The following GATA3 variants were observed in gnomAD, a reference collection of about 807,000 sequenced individuals.
GATA3 encodes the protein GATA binding protein 3, also known as trans-acting T-cell-specific transcription factor GATA-3.
In GATA3, 6 loss-of-function variants were observed where a neutral mutation model predicts 36.0. The ratio of observed to expected loss-of-function variants is 0.17; its 90% CI spans 0.09 to 0.33. The LOEUF is 0.33. Ranked by LOEUF, GATA3 falls within the 10% of genes least tolerant of loss-of-function variation. The pLI is 1.00. For synonymous variants in GATA3, 326 were observed against 273.0 expected (o/e 1.19, Z -1.92); for missense variants, 514 against 610.1 (o/e 0.84, Z 1.66).
intron 3 of GATA3, among the ~76,000 whole-genome samples, chr10:8,061,478 G>A (rs139234491): frequency 2.0e-3 from 297 of 152,306 alleles, no homozygotes; most frequent in African/African-American, 6.9e-3. Context: ...TCACCTAAGA[G>A]AGAGGTGTCT....
intron 5 of GATA3, among the ~76,000 whole-genome samples, chr10:8,073,099 C>T (rs540905587): frequency 2.2e-5 from 3 of 138,410 alleles, no homozygotes; most frequent in South Asian, 2.3e-4. Flanking sequence ...GAGCCGAGAT[C>T]GCGCCACTGC....
upstream of GATA3, among the ~76,000 whole-genome samples, chr10:8,049,571 C>A (rs1284191418): frequency 6.6e-6 from 1 of 152,140 alleles, no homozygotes. Flanking sequence ...CGCGGTGTGG[C>A]CCGCGCAGCC....
chr10:8,064,713 A>AT (rs1832807485), intron 4 of GATA3, among the ~76,000 whole-genome samples: 2 of 152,204 alleles, frequency 1.3e-5, no homozygotes, highest in African/African-American at 4.8e-5. Context: ...GCCTAATGCC[A>AT]CTTTCCTCCT....
intron 4 of GATA3, among the ~76,000 whole-genome samples, chr10:8,067,804 C>A (rs1055003743): frequency 6.6e-6 from 1 of 151,734 alleles, no homozygotes; most frequent in Non-Finnish European, 1.5e-5. Context: ...GGCGACAGAG[C>A]GAGACTCCGT....
In GATA3 at chr10:8,074,164, A is replaced by G; in HGVS notation, c.*141A>G. 1 of 963,948 alleles carries G rather than the reference A, an allele frequency of 1.0e-6. No homozygotes were observed. The highest frequency in any genetic ancestry group is 1.5e-6 in the Non-Finnish European group (1 of 662,356). The allele number at this position is 963,948 out of a possible 1,614,324, so 59.7% of individuals were successfully genotyped here. A position where few individuals can be genotyped will look rare whatever the true frequency, so the allele number is the denominator to read the frequency against. On this transcript the variant is annotated 3_prime_UTR_variant, in exon 6 of 6. Transcript: ENST00000379328. Reference sequence around the variant, plus strand: ...GGCAGAAAGCAAAATTATGTTTGCCACTTTGCAAAGGAGCTCACTGTGGTG... The same window carrying G: ...GGCAGAAAGCAAAATTATGTTTGCCGCTTTGCAAAGGAGCTCACTGTGGTG...
Position 8,062,377 on chromosome 10 carries a change from T to TAA in GATA3, c.779-1611_779-1610dup, listed in dbSNP as rs1357640989. ...TACATCCTCATTTTTTTTTTTTTTT[T>TAA]AAAAAACAAAGTAGACAAAAACTAG... On this transcript the variant is annotated intron_variant, in intron 3 of 5. Coordinates refer to ENST00000379328, the MANE Select transcript of GATA3 (RefSeq NM_001002295.2). 3.5e-3 allele frequency among the ~76,000 whole-genome samples: 504 copies of TAA among 145,756 alleles called. 2 individuals carry two copies. Among genetic ancestry groups the TAA allele is most frequent in the East Asian group, 0.02 (100 of 5,036 alleles).
intron 3 of GATA3, among the ~76,000 whole-genome samples, chr10:8,060,123 A>C (rs1435817841): frequency 2.0e-5 from 3 of 151,998 alleles, no homozygotes; most frequent in African/African-American, 7.3e-5. Context: ...GGTGACATTC[A>C]CTCCGACTGC....
Position 8,054,906 on chromosome 10 carries a change from C to CT in GATA3, c.-370+28dup, listed in dbSNP as rs397846644. On this transcript the variant is annotated intron_variant, in intron 1 of 5. Coordinates refer to ENST00000379328, the MANE Select transcript of GATA3 (RefSeq NM_001002295.2). This position sits in a 1 kb window ranked among gnomAD's most constrained non-coding sequence, Gnocchi z 4.2. ...TCGCTACCCAGGTTGGTACTGGTGA[C>CT]TTTTTTTTTTTTTAAGTTTGATTTT... 0.14 allele frequency: 20,476 copies of CT among 146,266 alleles called. 3,494 individuals are homozygous for CT. The highest frequency in any genetic ancestry group is 0.42 in the African/African-American group (16,519 of 39,730). 9.1% of individuals were successfully genotyped at this position (146,266 alleles called of 1,614,324 possible). A position where few individuals can be genotyped will look rare whatever the true frequency, so the allele number is the denominator to read the frequency against.
chr10:8,065,412 C>A (rs1222964356), intron 4 of GATA3, among the ~76,000 whole-genome samples: 1 of 151,880 alleles, frequency 6.6e-6, no homozygotes, highest in Non-Finnish European at 1.5e-5. Context: ...CACCCGCCCC[C>A]ACACCCGGCA....
intron 3 of GATA3, 96 bp from the exon 4 acceptor site, chr10:8,063,897 G>T (rs557668161): frequency 9.3e-5 from 146 of 1,563,018 alleles, no homozygotes; most frequent in Middle Eastern, 3.6e-4. Flanking sequence ...AAGGAAAAAA[G>T]TTCTCCATTT....
At chr10:8,049,379 G>C (rs1244058653), upstream of GATA3, among the ~76,000 whole-genome samples, 1 of 152,246 alleles carries the variant, frequency 6.6e-6, no homozygotes, top group African/African-American at 2.4e-5. Flanking sequence ...AGCCTTGCTG[G>C]GCCGGGATCC....
chr10:8,058,159 G>T, intron 2 of GATA3, 146 bp from the exon 3 acceptor site: 1 of 809,788 alleles, frequency 1.2e-6, no homozygotes, highest in Non-Finnish European at 2.0e-6. Context: ...TCCGGGGACC[G>T]CCAGGATGAG....
chr10:8,054,412 T>C (rs1832577719), upstream of GATA3, among the ~76,000 whole-genome samples: 1 of 152,064 alleles, frequency 6.6e-6, no homozygotes, highest in Non-Finnish European at 1.5e-5. This position sits in a 1 kb window ranked among gnomAD's most constrained non-coding sequence, Gnocchi z 4.2. Flanking sequence ...GAGCGCGCGT[T>C]CCCTCCCGTC....
chr10:8,049,904 G>T (rs1269593837), upstream of GATA3, among the ~76,000 whole-genome samples: 2 of 152,188 alleles, frequency 1.3e-5, no homozygotes, highest in Non-Finnish European at 2.9e-5. Flanking sequence ...TTCACGGCCC[G>T]GTCCTCCGGC....
chr10:8,073,570 C>T (rs1832964856), intron 5 of GATA3, among the ~76,000 whole-genome samples, 169 bp from the exon 6 acceptor site: 1 of 151,940 alleles, frequency 6.6e-6, no homozygotes, highest in African/African-American at 2.4e-5. Flanking sequence ...GTTCTTCAGT[C>T]CCTGGGAAGG....
intron 1 of GATA3, among the ~76,000 whole-genome samples, chr10:8,046,474 T>C (rs917301598): frequency 1.3e-5 from 2 of 152,056 alleles, no homozygotes; most frequent in African/African-American, 4.8e-5. Flanking sequence ...AGATGGGAGA[T>C]TAAGAACTTT....
chr10:8,067,050 A>G (rs1364057573), intron 4 of GATA3, among the ~76,000 whole-genome samples: 5 of 151,526 alleles, frequency 3.3e-5, no homozygotes, highest in Non-Finnish European at 7.4e-5. Flanking sequence ...AAAAAAAAAC[A>G]CTATAGGAAG....
At position 8,058,489 on chromosome 10, in the gene GATA3, G is replaced by A. The variant is rs200317918; in HGVS notation, c.426G>A (p.Ser142=). ...CCCCGGCCTCGTCCTCCTCCTTGTCGGGGGGCCACGCCAGCCCGCACCTCT... is the reference window on the plus strand; with the variant it reads ...CCCCGGCCTCGTCCTCCTCCTTGTCAGGGGGCCACGCCAGCCCGCACCTCT... ...VYPPASSSSL[S]GGHASPHLFT... is the part of the protein sequence containing the mutation. The change falls in exon 3 of 6, where the codon TCG becomes TCA. Residue 142 remains serine (S), a synonymous_variant. Coordinates refer to ENST00000379328, the MANE Select transcript of GATA3 (RefSeq NM_001002295.2). The A allele has an allele frequency of 4.0e-5, 65 of 1,611,926 alleles. 1 individual carries two copies. The Middle Eastern group carries it at 9.9e-4, about 25-fold the overall frequency.
upstream of GATA3, among the ~76,000 whole-genome samples, chr10:8,049,323 C>T (rs551584825): frequency 6.6e-6 from 1 of 152,326 alleles, no homozygotes; most frequent in African/African-American, 2.4e-5. Flanking sequence ...TCTTTCTCTG[C>T]TTTCCCCCAA....
Sources: allele counts gnomAD v4.1 joint callset (sites outside exome capture counted in the v4.1 genomes callset), GRCh38; gene constraint gnomAD v4.1.1; non-coding constraint Gnocchi (gnomAD v3.1); transcripts MANE v1.5; gene names NCBI Gene and HGNC (gene_info 2026-07-23, HGNC 2026-07-21).